Variants in HCRTR1 observed in about 807,000 individuals in gnomAD.
HCRTR1 encodes the protein orexin/Hypocretin receptor type 1.
In HCRTR1, 28 loss-of-function variants were observed where a neutral mutation model predicts 40.6. The observed-to-expected ratio is 0.69, with a 90% CI of 0.51 to 0.95. The LOEUF (loss-of-function observed/expected upper bound fraction) is 0.95. Ranked by LOEUF, HCRTR1 falls within the 40% of genes least tolerant of loss-of-function variation. The pLI, the probability that HCRTR1 is intolerant of heterozygous loss-of-function variation, is 0.00. For synonymous variants in HCRTR1, 209 were observed against 230.0 expected (o/e 0.91, Z 0.83); for missense variants, 482 against 564.7 (o/e 0.85, Z 1.48).
chr1:31,619,707 A>G lies in HCRTR1; in HGVS notation c.375A>G (p.Leu125=), dbSNP rs1639812003. 1 of 1,595,366 alleles carries G rather than the reference A, an allele frequency of 6.3e-7. No individual in the cohort carries two copies. Among genetic ancestry groups the G allele is most frequent in the East Asian group, 2.2e-5 (1 of 44,612 alleles). Residue 125 remains leucine (L), a synonymous_variant, in exon 4 of 9, where the codon CTA becomes CTG. Transcript: ENST00000403528. ...GHALCKVIPY[L]QAVSVSVAVL... is the part of the protein sequence containing the mutation. ...CCCTCTGCAAGGTCATCCCCTATCT[A>G]CAGGTGAGCTCTGCCCAGGCACCCC... is the stretch of plus-strand genomic sequence containing the variant.
intron 7 of HCRTR1, among the ~76,000 whole-genome samples, chr1:31,624,420 C>G (rs1313769481): frequency 7.1e-6 from 1 of 141,828 alleles, no homozygotes; most frequent in Non-Finnish European, 1.5e-5. Flanking sequence ...TGCACCACTG[C>G]ACTCCAGCCT....
In HCRTR1 at chr1:31,626,165, T is replaced by C. The variant is rs190650120; in HGVS notation, c.1088-625T>C. ...GACAAAATCTGTTTCCCTGGTATACTTGGGCTGAATAATGTGGTGTGGTGG... is the reference window on the plus strand; with the variant it reads ...GACAAAATCTGTTTCCCTGGTATACCTGGGCTGAATAATGTGGTGTGGTGG... On this transcript the variant is annotated intron_variant, in intron 8 of 8. Transcript: ENST00000403528. This position sits in a 1 kb window ranked among gnomAD's most constrained non-coding sequence, Gnocchi z 4.6. 2.3e-3 allele frequency among the ~76,000 whole-genome samples: 348 copies of C among 152,314 alleles called. No individual in the cohort carries two copies. The highest frequency in any genetic ancestry group is 3.8e-3 in the Non-Finnish European group (261 of 68,020).
chr1:31,629,466 G>C (rs1036412885), downstream of HCRTR1, among the ~76,000 whole-genome samples: 2 of 152,192 alleles, frequency 1.3e-5, no homozygotes, highest in African/African-American at 4.8e-5. Flanking sequence ...GATCTGACTT[G>C]CAAGTACAGA....
chr1:31,619,818 T>G, intron 4 of HCRTR1, 108 bp downstream of exon 4: 1 of 1,022,750 alleles, frequency 9.8e-7, no homozygotes, highest in Non-Finnish European at 1.4e-6. Flanking sequence ...GACAGGTCAG[T>G]GGCTCATGAC....
chr1:31,630,851 G>A, downstream of HCRTR1: 1 of 1,597,358 alleles, frequency 6.3e-7, no homozygotes, highest in Non-Finnish European at 8.5e-7. Context: ...AGCTGGAGAA[G>A]AGGGGCACAC....
At chr1:31,624,704 A>G (rs1336785798) in intron 7 of HCRTR1, among the ~76,000 whole-genome samples, 2 of 152,140 alleles carry the variant, frequency 1.3e-5, no homozygotes, top group Admixed American at 1.3e-4. Flanking sequence ...GGAAAAATGG[A>G]TGATGTCTAT....
rs768118872 is a variant in HCRTR1 at position 31,619,586 on chromosome 1, T to C, written c.254T>C (p.Ile85Thr). ...ATGAGGACAGTCACCAACTACTTCA[T>C]TGTCAACCTGTCCCTGGCTGACGTT... ...HHMRTVTNYF[I>T]VNLSLADVLV... The change falls in exon 4 of 9, where the codon ATT (isoleucine) becomes ACT (threonine). Residue 85 changes from isoleucine to threonine, a missense_variant. Coordinates refer to ENST00000403528, the MANE Select transcript of HCRTR1 (RefSeq NM_001525.3). 3 of 1,614,000 alleles carry C rather than the reference T, an allele frequency of 1.9e-6. No individual in the cohort carries two copies. Among genetic ancestry groups the C allele is most frequent in the South Asian group, 1.1e-5 (1 of 91,088 alleles).
At chr1:31,632,696 C>T, downstream of HCRTR1, 1 of 1,566,242 alleles carries the variant, frequency 6.4e-7, no homozygotes. Context: ...GCCAAGGGTC[C>T]CCCTCAGGAC....
At chr1:31,632,711 T>A, downstream of HCRTR1, 1 of 1,525,642 alleles carries the variant, frequency 6.6e-7, no homozygotes, top group African/African-American at 1.4e-5. Flanking sequence ...CAGGACCCAT[T>A]GAGGCAGCCC....
rs756673065 is a variant in HCRTR1 at position 31,627,021 on chromosome 1, C to G, written c.*41C>G. 6.3e-7 allele frequency: 1 copy of G among 1,575,934 alleles called. No individual in the cohort carries two copies. Among genetic ancestry groups the G allele is most frequent in the Admixed American group, 1.8e-5 (1 of 56,852 alleles). On this transcript the variant is annotated 3_prime_UTR_variant, in exon 9 of 9. Transcript: ENST00000403528. ...GAGGCTCCGGCTCGGGGGATCTGCC[C>G]CTACCCCTCATGGAAAGACAGCTGG...
In HCRTR1 at chr1:31,627,175, G is replaced by A. The variant is rs1639997908; in HGVS notation, c.*195G>A. On this transcript the variant is annotated 3_prime_UTR_variant, in exon 9 of 9. Transcript: ENST00000403528. ...GAGGATTAAGCATGCTGAAGCAAGT[G>A]GAAAGCTCCTTGTAAACTGTGAAGT... 3 of 1,450,024 alleles carry A rather than the reference G, an allele frequency of 2.1e-6. No individual in the cohort carries two copies. Among genetic ancestry groups the A allele is most frequent in the African/African-American group, 2.8e-5 (2 of 71,252 alleles). The allele number at this position is 1,450,024 out of a possible 1,614,324, so 89.8% of individuals were successfully genotyped here. A position where few individuals can be genotyped will look rare whatever the true frequency, so the allele number is the denominator to read the frequency against.
chr1:31,633,410 C>T, downstream of HCRTR1: 1 of 1,301,734 alleles, frequency 7.7e-7, no homozygotes, highest in South Asian at 1.5e-5. Context: ...CACGAAGCTT[C>T]ACAAATTCAC....
downstream of HCRTR1, chr1:31,630,560 C>G: frequency 6.5e-7 from 1 of 1,534,016 alleles, no homozygotes; most frequent in Non-Finnish European, 9.0e-7. Context: ...TTCTCTCACT[C>G]TAAGAAGCCA....
Position 31,623,530 on chromosome 1 carries a change from GCAC to G in HCRTR1, c.751_753del (p.Thr251del), listed in dbSNP as rs766527549. ...TCTATGTGTGCTGGACAGATCCCCG[GCAC>G]CACCTCAGCACTGGTGCGGAACTGG... On this transcript the variant is annotated inframe_deletion, in exon 7 of 9. Coordinates refer to ENST00000403528, the MANE Select transcript of HCRTR1 (RefSeq NM_001525.3). 3.8e-5 allele frequency: 62 copies of G among 1,612,102 alleles called. No homozygotes were observed. In the Middle Eastern group the frequency reaches 1.2e-3, roughly 30 times the overall value.
At position 31,627,339 on chromosome 1, in the gene HCRTR1, G is replaced by A; in HGVS notation, c.*359G>A. On this transcript the variant is annotated 3_prime_UTR_variant, in exon 9 of 9. Coordinates refer to ENST00000403528, the MANE Select transcript of HCRTR1 (RefSeq NM_001525.3). ...CAATTACAGGCCTTCCCTGGAGTCTGCTCTAAAGGTCCCAACAGGCATTTC... is the reference window on the plus strand; with the variant it reads ...CAATTACAGGCCTTCCCTGGAGTCTACTCTAAAGGTCCCAACAGGCATTTC... 1 of 1,312,812 alleles carries A rather than the reference G, an allele frequency of 7.6e-7. No individual in the cohort carries two copies. Among genetic ancestry groups the A allele is most frequent in the Non-Finnish European group, 1.0e-6 (1 of 1,004,406 alleles). The allele number at this position is 1,312,812 out of a possible 1,614,324, so 81.3% of individuals were successfully genotyped here.
Position 31,623,719 on chromosome 1 carries a change from T to A in HCRTR1, c.935T>A (p.Leu312Gln), listed in dbSNP as rs1291095889. 1 of 1,614,136 alleles carries A rather than the reference T, an allele frequency of 6.2e-7. No individual in the cohort carries two copies. Among genetic ancestry groups the A allele is most frequent in the African/African-American group, 1.3e-5 (1 of 75,064 alleles). The change falls in exon 7 of 9, where the codon CTG (leucine) becomes CAG (glutamine). Residue 312 changes from leucine (L) to glutamine (Q), a missense_variant. Transcript: ENST00000403528. ...VVLLVFALCY[L>Q]PISVLNVLKR... The stretch of plus-strand genomic sequence containing the variant: ...CTGCTGGTCTTCGCCCTCTGCTACC[T>A]GCCCATCAGCGTCCTCAATGTCCTT...
chr1:31,631,210 G>A (rs1003364835), downstream of HCRTR1, among the ~76,000 whole-genome samples: 2 of 152,214 alleles, frequency 1.3e-5, no homozygotes, highest in Non-Finnish European at 2.9e-5. Context: ...GACATCAGAG[G>A]CAGTACAGCA....
downstream of HCRTR1, among the ~76,000 whole-genome samples, chr1:31,634,161 C>A (rs1640194224): frequency 6.6e-6 from 1 of 152,334 alleles, no homozygotes; most frequent in South Asian, 2.1e-4. Context: ...AGGGATTAGT[C>A]TGACTTCCTT....
intron 1 of HCRTR1, 190 bp downstream of exon 1, chr1:31,618,071 C>G (rs1326261303): frequency 2.0e-5 from 3 of 152,712 alleles, no homozygotes; most frequent in African/African-American, 7.2e-5. Context: ...GCCCCGCCAG[C>G]CCCCGAGGTG....
Sources: gnomAD v4.1 joint callset for allele counts (sites outside exome capture counted in the v4.1 genomes callset) on GRCh38, gnomAD v4.1.1 for gene constraint, Gnocchi (gnomAD v3.1) non-coding constraint, MANE v1.5 for transcripts, NCBI Gene and HGNC (gene_info 2026-07-23, HGNC 2026-07-21) for gene names.